Variants in PBX1 observed in about 807,000 individuals in gnomAD.
PBX1 encodes the protein pre-B-cell leukemia transcription factor 1.
A neutral mutation model predicts 53.4 loss-of-function variants in PBX1; 6 were observed. The ratio of observed to expected loss-of-function variants is 0.11; its 90% CI spans 0.06 to 0.22. The LOEUF (loss-of-function observed/expected upper bound fraction) is 0.22. PBX1 is among the 10% of genes least tolerant of loss of function. The probability of loss-of-function intolerance (pLI) is 1.00; values close to 1 mark genes in which losing one functional copy is unlikely to be tolerated. For synonymous variants in PBX1, 204 were observed against 212.3 expected, an observed-to-expected ratio of 0.96 and a Z score of 0.34; for missense variants, 251 against 551.4, an observed-to-expected ratio of 0.46 and a Z score of 5.46.
rs1313980468 is a variant in PBX1 at position 164,826,356 on chromosome 1, T to A, written c.1200+4730T>A. ...TCCCTTTGAATTCCTTGGATATTTG[T>A]GATAGCAGAAAGCATTATTCTTTAG... On this transcript the variant is annotated intron_variant, in intron 8 of 8. Coordinates refer to ENST00000420696, the MANE Select transcript of PBX1 (RefSeq NM_002585.4). Among the ~76,000 whole-genome samples the A allele has an allele frequency of 2.6e-5, 4 of 152,212 alleles. 1 individual carries two copies. The highest frequency in any genetic ancestry group is 9.6e-5 in the African/African-American group (4 of 41,456).
At chr1:164,625,988 C>G (rs1658009823) in intron 2 of PBX1, 1 of 1,041,274 alleles carries the variant, frequency 9.6e-7, no homozygotes, top group African/African-American at 1.7e-5. Context: ...GACTAGGATA[C>G]AAAGTTCTGT....
chr1:164,571,550 C>T (rs569838945), intron 2 of PBX1, among the ~76,000 whole-genome samples: 27 of 152,096 alleles, frequency 1.8e-4, no homozygotes, highest in South Asian at 6.2e-4. Context: ...AATACTATTC[C>T]GCTGTATGGA....
intron 2 of PBX1, among the ~76,000 whole-genome samples, chr1:164,760,008 A>G (rs1298749637): frequency 6.6e-6 from 1 of 152,194 alleles, no homozygotes; most frequent in African/African-American, 2.4e-5. Flanking sequence ...AAAGTCCCCA[A>G]GCACGCAGCC....
intron 2 of PBX1, among the ~76,000 whole-genome samples, chr1:164,690,706 A>G (rs1662418322): frequency 6.6e-6 from 1 of 151,480 alleles, no homozygotes; most frequent in Non-Finnish European, 1.5e-5. Flanking sequence ...TACCAGTAAT[A>G]TATTTTGTTT....
At chr1:164,560,436 A>G in intron 1 of PBX1, 1 of 375,884 alleles carries the variant, frequency 2.7e-6, no homozygotes, top group Non-Finnish European at 4.7e-6. Flanking sequence ...TACGAAATAA[A>G]ATGTCCCAAG....
At chr1:164,748,828 T>C (rs1666040244) in intron 2 of PBX1, among the ~76,000 whole-genome samples, 1 of 152,070 alleles carries the variant, frequency 6.6e-6, no homozygotes, top group African/African-American at 2.4e-5. Flanking sequence ...CCTAACCGCA[T>C]GGGACTAGGA....
At chr1:164,819,797 A>G (rs1670059188) in intron 6 of PBX1, 1 of 330,740 alleles carries the variant, frequency 3.0e-6, no homozygotes, top group African/African-American at 2.1e-5. Context: ...GTTGGGAAGA[A>G]TAAAGGTTCC....
At chr1:164,843,145 G>C (rs1671387015) in intron 8 of PBX1, among the ~76,000 whole-genome samples, 3 of 152,112 alleles carry the variant, frequency 2.0e-5, no homozygotes. Flanking sequence ...CAGCCGAAGT[G>C]ATTTACAGGA....
chr1:164,884,753 G>T (rs558337113), intron 2 of PBX1, among the ~76,000 whole-genome samples: 1 of 152,270 alleles, frequency 6.6e-6, no homozygotes, highest in East Asian at 1.9e-4. Flanking sequence ...TGTTGCAACT[G>T]GAAGACTGTG....
intron 2 of PBX1, among the ~76,000 whole-genome samples, chr1:164,747,347 A>ATATG (rs1280831081): frequency 1.3e-5 from 2 of 152,066 alleles, no homozygotes; most frequent in African/African-American, 2.4e-5. Flanking sequence ...ACACACACAC[A>ATATG]TATGTATGTA....
intron 2 of PBX1, among the ~76,000 whole-genome samples, chr1:164,634,822 A>G (rs762858047): frequency 6.6e-5 from 10 of 152,124 alleles, no homozygotes; most frequent in Non-Finnish European, 1.3e-4. Flanking sequence ...AGGACCTGGA[A>G]AGACCCCAAA....
rs115573099 is a variant in PBX1, at chr1:164,602,859, T to C, written c.265+39548T>C. Among the ~76,000 whole-genome samples the C allele has an allele frequency of 7.6e-3, 1,158 of 152,292 alleles. 16 individuals are homozygous for C. The highest frequency in any genetic ancestry group is 0.027 in the African/African-American group (1,107 of 41,578). ...TGGAATGTTTGCCGTTAAACGGTTG[T>C]AAATTAAGGGCTGAGTGTATGAAGC... On this transcript the variant is annotated intron_variant, in intron 2 of 8. Coordinates refer to ENST00000420696, the MANE Select transcript of PBX1 (RefSeq NM_002585.4).
At chr1:164,705,088 T>G (rs1663350332) in intron 2 of PBX1, among the ~76,000 whole-genome samples, 1 of 152,158 alleles carries the variant, frequency 6.6e-6, no homozygotes, top group Non-Finnish European at 1.5e-5. Flanking sequence ...CAGATGATCC[T>G]TCATTATGGG....
chr1:164,668,404 C>T (rs186339924), intron 2 of PBX1, among the ~76,000 whole-genome samples: 2 of 152,224 alleles, frequency 1.3e-5, no homozygotes, highest in East Asian at 3.9e-4. Flanking sequence ...TATACAAATT[C>T]TCTCACCTCT....
At position 164,591,157 on chromosome 1, in the gene PBX1, A is replaced by G. The variant is rs567173277; in HGVS notation, c.265+27846A>G. 2.4e-4 allele frequency among the ~76,000 whole-genome samples: 37 copies of G among 152,070 alleles called. No individual in the cohort carries two copies. The South Asian group carries it at 7.3e-3, about 30-fold the overall frequency. ...CTCCCAAGTAGCTGGGACTACAGGC[A>G]TGTGTCACCATGCCCAGCTAATTTT... On this transcript the variant is annotated intron_variant, in intron 2 of 8. Coordinates refer to ENST00000420696, the MANE Select transcript of PBX1 (RefSeq NM_002585.4).
chr1:164,811,678 A>G (rs1275249276), intron 5 of PBX1, among the ~76,000 whole-genome samples: 1 of 152,198 alleles, frequency 6.6e-6, no homozygotes, highest in Non-Finnish European at 1.5e-5. Flanking sequence ...TCATAACTGA[A>G]GATGTAAGCA....
chr1:164,598,155 C>A (rs1655894249), intron 2 of PBX1, among the ~76,000 whole-genome samples: 1 of 152,182 alleles, frequency 6.6e-6, no homozygotes, highest in Non-Finnish European at 1.5e-5. Flanking sequence ...CCTAGGATAG[C>A]AATGTTAATC....
At chr1:164,654,184 TTG>T (rs1199024536) in intron 2 of PBX1, among the ~76,000 whole-genome samples, 1 of 152,118 alleles carries the variant, frequency 6.6e-6, no homozygotes, top group Non-Finnish European at 1.5e-5. Context: ...ATGAAAAACT[TTG>T]TCACTCCACT....
chr1:164,707,024 G>A (rs1392728379), intron 2 of PBX1, among the ~76,000 whole-genome samples: 3 of 152,208 alleles, frequency 2.0e-5, no homozygotes, highest in Non-Finnish European at 2.9e-5. Context: ...GCCATCTGTA[G>A]TGGTGAGTTG....
Sources: gnomAD v4.1 joint callset for allele counts (sites outside exome capture counted in the v4.1 genomes callset) on GRCh38, gnomAD v4.1.1 for gene constraint, MANE v1.5 for transcripts, NCBI Gene and HGNC (gene_info 2026-07-23, HGNC 2026-07-21) for gene names.